CLCN5: variants seen among roughly 807,000 people sequenced by gnomAD.
CLCN5 encodes the protein H(+)/Cl(-) exchange transporter 5.
A neutral mutation model predicts 54.0 loss-of-function variants in CLCN5; 17 were observed. The observed-to-expected ratio is 0.31, with a 90% CI of 0.22 to 0.47. The LOEUF (loss-of-function observed/expected upper bound fraction) is 0.47, where lower values mean the gene tolerates loss of function less well. Ranked by LOEUF, CLCN5 falls within the 20% of genes least tolerant of loss-of-function variation. The probability of loss-of-function intolerance (pLI) is 1.00; values close to 1 mark genes in which losing one functional copy is unlikely to be tolerated. For missense variants in CLCN5, 448 were observed against 646.7 expected, an observed-to-expected ratio of 0.69 and a Z score of 3.33; for synonymous variants, 222 against 233.0, an observed-to-expected ratio of 0.95 and a Z score of 0.43.
Position 50,096,192 on chromosome X carries a change from AC to A in CLCN5, c.*3976del, listed in dbSNP as rs782676316. The A allele has an allele frequency of 1.8e-5, 2 of 111,660 alleles. No individual in the cohort carries two copies. The highest frequency in any genetic ancestry group is 6.5e-5 in the African/African-American group (2 of 30,706). The allele number at this position is 111,660 out of a possible 1,213,427, so 9.2% of individuals were successfully genotyped here. A position where few individuals can be genotyped will look rare whatever the true frequency, so the allele number is the denominator to read the frequency against. On this transcript the variant is annotated 3_prime_UTR_variant, in exon 15 of 15. Transcript: ENST00000376091. ...TGCATAGAACATTGAGCTCTTAAAA[AC>A]CCGGAGAAAAATTAGGAATTTAGAA...
At chrX:50,032,339 G>A (rs1319226537) in intron 3 of CLCN5, among the ~76,000 whole-genome samples, 8 of 111,461 alleles carry the variant, frequency 7.2e-5, no homozygotes, top group African/African-American at 2.6e-4. Context: ...CCCACCAACA[G>A]TGAAAAAGTG....
chrX:49,941,920 CTTTTT>C (rs782574821), intron 3 of CLCN5, among the ~76,000 whole-genome samples: 5 of 60,568 alleles, frequency 8.3e-5, no homozygotes, highest in African/African-American at 3.6e-4. Context: ...CAATCAGTAT[CTTTTT>C]TTTTTTTTTT....
chrX:50,048,058 G>A (rs1235754611), intron 4 of CLCN5, among the ~76,000 whole-genome samples: 2 of 112,338 alleles, frequency 1.8e-5, no homozygotes, highest in East Asian at 5.6e-4. Flanking sequence ...ACAGGGACCA[G>A]TTTCATGGAA....
intron 4 of CLCN5, among the ~76,000 whole-genome samples, chrX:50,062,106 G>C (rs1417802049): frequency 9.3e-6 from 1 of 107,193 alleles, no homozygotes; most frequent in East Asian, 2.9e-4. Flanking sequence ...CAACTAATGA[G>C]CAAAATAACG....
intron 3 of CLCN5, among the ~76,000 whole-genome samples, chrX:50,013,562 G>A (rs1412279938): frequency 1.8e-5 from 2 of 111,769 alleles, no homozygotes; most frequent in African/African-American, 6.5e-5. Context: ...TGCTCACATT[G>A]TGCATGCATG....
At chrX:50,032,717 G>T (rs1215569185) in intron 3 of CLCN5, among the ~76,000 whole-genome samples, 13 of 110,008 alleles carry the variant, frequency 1.2e-4, no homozygotes, top group East Asian at 8.4e-4. Flanking sequence ...GGAAGCTCTT[G>T]AGTTTAATTA....
chrX:50,090,627 A>G (rs1017781097), intron 13 of CLCN5, 43 bp from the exon 14 acceptor site: 12 of 1,161,137 alleles, frequency 1.0e-5, no homozygotes, highest in South Asian at 3.7e-5. Flanking sequence ...GGATAGAGCT[A>G]GCACGTCCAT....
At chrX:50,012,384 A>T (rs1557182695) in intron 3 of CLCN5, among the ~76,000 whole-genome samples, 1 of 112,351 alleles carries the variant, frequency 8.9e-6, no homozygotes, top group Admixed American at 9.4e-5. Context: ...CTTGTCAGTC[A>T]TCTCACACAT....
chrX:49,949,566 A>G (rs1277592188), intron 3 of CLCN5, among the ~76,000 whole-genome samples: 1 of 111,875 alleles, frequency 8.9e-6, no homozygotes, highest in East Asian at 2.8e-4. Flanking sequence ...ATTAAAGTAA[A>G]TTATCCCCAG....
At chrX:49,979,203 A>G (rs1157863133) in intron 3 of CLCN5, among the ~76,000 whole-genome samples, 1 of 111,661 alleles carries the variant, frequency 9.0e-6, no homozygotes, top group Non-Finnish European at 1.9e-5. Context: ...ATCTCTTTGT[A>G]TCCTTGTTGT....
At position 50,042,343 on chromosome X, in the gene CLCN5, A is replaced by G. The variant is rs782084525; in HGVS notation, c.44A>G (p.Gln15Arg). 2 of 1,175,278 alleles carry G rather than the reference A, an allele frequency of 1.7e-6. No individual in the cohort carries two copies. Among genetic ancestry groups the G allele is most frequent in the Admixed American group, 2.4e-5 (1 of 42,369 alleles). ...QGAMDNRGFQQGSFSSFQNSS... is the reference protein window; with the variant it reads ...QGAMDNRGFQRGSFSSFQNSS... ...GCCATGGATAACAGAGGCTTTCAGC[A>G]GGGGAGTTTTAGTAGCTTCCAGAAC... Residue 15 changes from glutamine (Q) to arginine (R), a missense_variant, in exon 4 of 15, where the codon CAG becomes CGG. Gln to Arg is a conservative substitution (Grantham distance 43). This residue lies in a region of CLCN5 where 69 missense variants were observed against 60.9 expected (regional missense o/e 1.13). Coordinates refer to ENST00000376091, the MANE Select transcript of CLCN5 (RefSeq NM_001127898.4).
At chrX:50,044,861 C>G (rs1028032777) in intron 4 of CLCN5, among the ~76,000 whole-genome samples, 2 of 111,028 alleles carry the variant, frequency 1.8e-5, no homozygotes, top group Non-Finnish European at 3.8e-5. Context: ...GGATGAAACT[C>G]CTTCATCAAT....
intron 3 of CLCN5, among the ~76,000 whole-genome samples, chrX:49,987,232 A>T (rs1206116793): frequency 1.8e-5 from 2 of 112,319 alleles, no homozygotes; most frequent in African/African-American, 6.5e-5. Context: ...TCACCTGTTT[A>T]TTGAAATTTC....
rs782080696 is a variant in CLCN5 at position 49,988,366 on chromosome X, ACT to A, written c.17-53947_17-53946del. Among the ~76,000 whole-genome samples the A allele has an allele frequency of 2.7e-5, 3 of 111,144 alleles. No homozygotes were observed. The South Asian group carries it at 1.1e-3, about 42-fold the overall frequency. On this transcript the variant is annotated intron_variant, in intron 3 of 14. Transcript: ENST00000376091. The stretch of plus-strand genomic sequence containing the variant: ...ATCAAACGCAAGAAACTGCTGCCAG[ACT>A]CTGCCCTATAAAATAACTGCATTCT...
chrX:50,034,886 C>G (rs1409625511), intron 3 of CLCN5, among the ~76,000 whole-genome samples: 8 of 110,946 alleles, frequency 7.2e-5, no homozygotes, highest in Admixed American at 4.8e-4. Context: ...GCCTTACCAG[C>G]CCTTTCCTCC....
chrX:49,988,547 C>G (rs1407192502), intron 3 of CLCN5, among the ~76,000 whole-genome samples: 2 of 111,172 alleles, frequency 1.8e-5, no homozygotes, highest in African/African-American at 6.5e-5. Context: ...TATACACACC[C>G]TAGCCCCTCG....
chrX:50,067,738 A>C, intron 4 of CLCN5: 2 of 753,743 alleles, frequency 2.7e-6, no homozygotes, highest in Non-Finnish European at 3.1e-6. Context: ...TTGAGGCAGA[A>C]AAAAAGAAAA....
At chrX:50,022,962 G>A (rs1931186195) in intron 3 of CLCN5, among the ~76,000 whole-genome samples, 1 of 81,898 alleles carries the variant, frequency 1.2e-5, no homozygotes, top group African/African-American at 6.6e-5. Context: ...TGTTGATTTG[G>A]GGTGGAGAGT....
chrX:50,096,478 C>G lies in CLCN5; in HGVS notation c.*4259C>G, dbSNP rs1293292079. The G allele has an allele frequency of 4.5e-5, 5 of 111,223 alleles. No homozygotes were observed. The highest frequency in any genetic ancestry group is 1.3e-4 in the African/African-American group (4 of 30,250). The allele number at this position is 111,223 out of a possible 1,213,427, so 9.2% of individuals were successfully genotyped here. ...GGACTACAGGCGCACACCACCATGC[C>G]CAGCTAACTTTTGTATTTTTAGTAG... On this transcript the variant is annotated 3_prime_UTR_variant, in exon 15 of 15. Transcript: ENST00000376091.
Sources: gnomAD v4.1 joint callset for allele counts (sites outside exome capture counted in the v4.1 genomes callset) on GRCh38, gnomAD v4.1.1 for gene constraint, gnomAD v4.1.1 regional missense constraint, MANE v1.5 for transcripts, NCBI Gene and HGNC (gene_info 2026-07-23, HGNC 2026-07-21) for gene names.